The following SRSF7 variants were observed in gnomAD, a reference collection of about 807,000 sequenced individuals.
The protein encoded by SRSF7 is serine/arginine-rich splicing factor 7.
SRSF7 carries 15 observed loss-of-function variants against 42.2 expected under a neutral mutation model. The observed-to-expected ratio is 0.36, with a 90% CI of 0.24 to 0.55. SRSF7 has a LOEUF of 0.55. Ranked by LOEUF, SRSF7 falls within the 20% of genes least tolerant of loss-of-function variation. The probability of loss-of-function intolerance (pLI) is 0.88; values close to 1 mark genes in which losing one functional copy is unlikely to be tolerated. For missense variants in SRSF7, 181 were observed against 305.9 expected, an observed-to-expected ratio of 0.59 and a Z score of 3.04; for synonymous variants, 138 against 107.9, an observed-to-expected ratio of 1.28 and a Z score of -1.73.
chr2:38,745,680 C>T (rs546765122), intron 7 of SRSF7, among the ~76,000 whole-genome samples: 1 of 152,006 alleles, frequency 6.6e-6, no homozygotes, highest in African/African-American at 2.4e-5. Context: ...ATTAGGCTAT[C>T]CTCCTTGTCA....
chr2:38,746,955 A>G (rs1014026461), intron 5 of SRSF7: 7 of 789,348 alleles, frequency 8.9e-6, no homozygotes, highest in South Asian at 1.7e-5. Flanking sequence ...CTATCACTCA[A>G]TTGGTTAGTT....
chr2:38,746,055 G>T, intron 7 of SRSF7, 89 bp downstream of exon 7: 1 of 1,338,704 alleles, frequency 7.5e-7, no homozygotes, highest in Non-Finnish European at 1.1e-6. Context: ...ATTCTCCAAA[G>T]AGCTCAAAGA....
chr2:38,750,853 G>A (rs533674778), intron 1 of SRSF7: 1 of 280,752 alleles, frequency 3.6e-6, no homozygotes, highest in African/African-American at 2.2e-5. Context: ...CGCTGAAGTG[G>A]CGGGAAAGCG....
chr2:38,750,843 C>G (rs1017192727), intron 1 of SRSF7: 12 of 278,032 alleles, frequency 4.3e-5, no homozygotes, highest in Admixed American at 8.8e-5. Flanking sequence ...CAGATCTGTC[C>G]GCTGAAGTGG....
At chr2:38,745,429 T>C (rs1394761741) in intron 7 of SRSF7, among the ~76,000 whole-genome samples, 1 of 148,158 alleles carries the variant, frequency 6.7e-6, no homozygotes, top group Non-Finnish European at 1.5e-5. Context: ...CCGAGGCAGG[T>C]GATCACCTAA....
chr2:38,747,182 A>G (rs1667570668), intron 5 of SRSF7: 1 of 441,340 alleles, frequency 2.3e-6, no homozygotes, highest in Non-Finnish European at 4.7e-6. Context: ...AATTCAGGTG[A>G]TAAGGCCAGA....
In SRSF7 at chr2:38,746,197, A is replaced by T. The variant is rs181671085; in HGVS notation, c.627-18T>A. 2.5e-4 allele frequency: 401 copies of T among 1,613,952 alleles called. No individual in the cohort carries two copies. Among genetic ancestry groups the T allele is most frequent in the Middle Eastern group, 6.6e-4 (4 of 6,058 alleles). On this transcript the variant is annotated intron_variant, in intron 6 of 7. Coordinates refer to ENST00000313117, the MANE Select transcript of SRSF7 (RefSeq NM_001031684.3). ...TTGATCGGCTGTCAAAACATGAGAAATTCTATTAAAGAAAGAGTACTAACC... is the reference window on the plus strand; with the variant it reads ...TTGATCGGCTGTCAAAACATGAGAATTTCTATTAAAGAAAGAGTACTAACC...
chr2:38,748,834 A>T, intron 3 of SRSF7, 181 bp from the exon 4 acceptor site: 1 of 1,316,598 alleles, frequency 7.6e-7, no homozygotes, highest in Non-Finnish European at 1.0e-6. Flanking sequence ...AAGATTTGTT[A>T]AAAGCTGAAT....
Position 38,749,645 on chromosome 2 carries a change from A to G in SRSF7, c.270T>C (p.Arg90=). The change falls in exon 3 of 8, where the codon CGT becomes CGC. Residue 90 remains arginine (R), a synonymous_variant. Transcript: ENST00000313117. ...GACGTCGGGCAGGTGGTCTATCAAA[A>G]CGTGATCTCCGAGGCATGCCTGTCG... ...ELSTGMPRRS[R]FDRPPARRPF... The G allele has an allele frequency of 6.2e-7, 1 of 1,603,366 alleles. No individual in the cohort carries two copies. The highest frequency in any genetic ancestry group is 8.5e-7 in the Non-Finnish European group (1 of 1,177,230).
At chr2:38,747,973 T>A in intron 5 of SRSF7, 74 bp downstream of exon 5, 1 of 1,044,310 alleles carries the variant, frequency 9.6e-7, no homozygotes, top group Non-Finnish European at 1.4e-6. Context: ...TCCATTTGAA[T>A]TATGTCCTTA....
Position 38,746,138 on chromosome 2 carries a change from G to C in SRSF7, c.662+6C>G. On this transcript the variant is annotated splice_donor_region_variant and intron_variant, in intron 7 of 7. Transcript: ENST00000313117. ...GCAAGATTTGGCAACAAAACATTTA[G>C]CTTACCTTCTTTTTGGAGATGGAGA... is the stretch of plus-strand genomic sequence containing the variant. 1 of 1,614,154 alleles carries C rather than the reference G, an allele frequency of 6.2e-7. No homozygotes were observed. The highest frequency in any genetic ancestry group is 8.5e-7 in the Non-Finnish European group (1 of 1,180,010).
chr2:38,746,922 A>T, intron 5 of SRSF7, 175 bp from the exon 6 acceptor site: 1 of 1,087,524 alleles, frequency 9.2e-7, no homozygotes, highest in Non-Finnish European at 1.3e-6. Flanking sequence ...GACATAAGGA[A>T]CCCCCATTTC....
rs138185236 is a variant in SRSF7 at position 38,747,048 on chromosome 2, G to A, written c.573-301C>T. ...TTCATTTGATGAGACTGGTATGAAG[G>A]AAGCAAAACTAACCTCACTTAAGGC... On this transcript the variant is annotated intron_variant, in intron 5 of 7. Coordinates refer to ENST00000313117, the MANE Select transcript of SRSF7 (RefSeq NM_001031684.3). The A allele has an allele frequency of 2.0e-5, 11 of 538,188 alleles. No individual in the cohort carries two copies. The East Asian group carries it at 5.0e-4, about 25-fold the overall frequency. The allele number at this position is 538,188 out of a possible 1,614,324, so 33.3% of individuals were successfully genotyped here. A position where few individuals can be genotyped will look rare whatever the true frequency, so the allele number is the denominator to read the frequency against.
At chr2:38,749,781 C>A (rs1011445278) in intron 2 of SRSF7, 76 bp from the exon 3 acceptor site, 37 of 1,410,414 alleles carry the variant, frequency 2.6e-5, no homozygotes, top group Middle Eastern at 4.6e-4. Context: ...GAACTCTTTC[C>A]AACCACTCAC....
chr2:38,745,298 AG>A, intron 7 of SRSF7, 111 bp from the exon 8 acceptor site: 1 of 1,047,182 alleles, frequency 9.5e-7, no homozygotes, highest in Non-Finnish European at 1.5e-6. Context: ...AATTTCCTAT[AG>A]CAAAGACCTA....
chr2:38,745,067 A>AC lies in SRSF7; in HGVS notation c.*65dup. ...ATCTTTCCTAGGTTACACTTTACAG[A>AC]CATCACAAATCCCTTATAATAATGT... is the stretch of plus-strand genomic sequence containing the variant. On this transcript the variant is annotated 3_prime_UTR_variant, in exon 8 of 8. Transcript: ENST00000313117. 1 of 1,505,112 alleles carries AC rather than the reference A, an allele frequency of 6.6e-7. No homozygotes were observed. The highest frequency in any genetic ancestry group is 9.2e-7 in the Non-Finnish European group (1 of 1,085,432). The allele number at this position is 1,505,112 out of a possible 1,614,324, so 93.2% of individuals were successfully genotyped here.
intron 2 of SRSF7, 104 bp from the exon 3 acceptor site, chr2:38,749,809 TC>T (rs1228952589): frequency 6.8e-6 from 9 of 1,330,790 alleles, no homozygotes; most frequent in East Asian, 2.6e-5. Flanking sequence ...AACCACTCCT[TC>T]CCCCCCAACA....
intron 3 of SRSF7, chr2:38,749,254 G>A (rs551465926): frequency 1.4e-6 from 2 of 1,407,942 alleles, no homozygotes; most frequent in South Asian, 1.2e-5. Context: ...AGGTCTAGGA[G>A]GATCTTAATT....
intron 3 of SRSF7, chr2:38,749,040 G>C: frequency 1.5e-6 from 2 of 1,306,224 alleles, no homozygotes; most frequent in Non-Finnish European, 2.0e-6. Flanking sequence ...AGCCAGGTGA[G>C]GCTTGATTGA....
Sources: allele counts gnomAD v4.1 joint callset (sites outside exome capture counted in the v4.1 genomes callset), GRCh38; gene constraint gnomAD v4.1.1; transcripts MANE v1.5; gene names NCBI Gene and HGNC (gene_info 2026-07-23, HGNC 2026-07-21).